MAPKBP1: variants seen among roughly 807,000 people sequenced by gnomAD.
The protein encoded by MAPKBP1 is mitogen-activated protein kinase-binding protein 1.
Under a neutral mutation model 170.5 loss-of-function variants are expected in MAPKBP1, and 71 were observed. The ratio of observed to expected loss-of-function variants is 0.42; its 90% CI spans 0.34 to 0.51. The LOEUF is 0.51. Among genes scored for constraint, MAPKBP1 ranks in the 20% least tolerant of loss-of-function variants. The pLI, the probability that MAPKBP1 is intolerant of heterozygous loss-of-function variation, is 0.06. For missense variants in MAPKBP1, 1,598 were observed against 1,933.0 expected (o/e 0.83, Z 3.25); for synonymous variants, 719 against 757.9 (o/e 0.95, Z 0.84).
At position 41,823,438 on chromosome 15, in the gene MAPKBP1, C is replaced by A. The variant is rs1368453084; in HGVS notation, c.3599-9C>A. On this transcript the variant is annotated splice_polypyrimidine_tract_variant and intron_variant, in intron 28 of 30. Transcript: ENST00000457542. ...ACCTGACCTGTGTATACCTCTGTCT[C>A]CTTTGCAGAAAGACATGAGGCCAGT... 6.2e-7 allele frequency: 1 copy of A among 1,607,036 alleles called. No individual in the cohort carries two copies. The highest frequency in any genetic ancestry group is 1.7e-5 in the Admixed American group (1 of 59,618).
Position 41,813,635 on chromosome 15 carries a change from C to T in MAPKBP1, c.834C>T (p.His278=), listed in dbSNP as rs1403207105. 1 of 1,613,880 alleles carries T rather than the reference C, an allele frequency of 6.2e-7. No homozygotes were observed. Among genetic ancestry groups the T allele is most frequent in the Admixed American group, 1.7e-5 (1 of 59,952 alleles). The change falls in exon 9 of 31, where the codon CAC becomes CAT. Residue 278 remains histidine (H), a synonymous_variant. Transcript: ENST00000457542. ...KWVELRTTVA[H]CISVSQDYIF... Reference sequence around the variant, plus strand: ...TCTGCCCACAGACCACAGTGGCCCACTGCATCTCTGTGAGCCAAGACTACA... The same window carrying T: ...TCTGCCCACAGACCACAGTGGCCCATTGCATCTCTGTGAGCCAAGACTACA...
intron 5 of MAPKBP1, chr15:41,811,459 G>A: frequency 4.3e-6 from 3 of 699,298 alleles, no homozygotes; most frequent in Admixed American, 2.0e-5. Context: ...CAGAGTTTCT[G>A]ATTCTGTAGG....
intron 2 of MAPKBP1, among the ~76,000 whole-genome samples, chr15:41,792,802 G>A (rs1355371961): frequency 6.6e-6 from 1 of 152,126 alleles, no homozygotes; most frequent in Non-Finnish European, 1.5e-5. Flanking sequence ...TAATTTTCTC[G>A]CAGGGCCTCT....
intron 2 of MAPKBP1, among the ~76,000 whole-genome samples, chr15:41,791,167 A>C (rs1325570321): frequency 6.6e-6 from 1 of 152,162 alleles, no homozygotes; most frequent in Non-Finnish European, 1.5e-5. Context: ...TCAGGTATTT[A>C]TAACTTGAAT....
chr15:41,818,568 T>A lies in MAPKBP1; in HGVS notation c.2142T>A (p.Ser714=). The A allele has an allele frequency of 6.2e-7, 1 of 1,613,236 alleles. No homozygotes were observed. Among genetic ancestry groups the A allele is most frequent in the Non-Finnish European group, 8.5e-7 (1 of 1,179,590 alleles). ...KFSNDCKHLI[S]VSGDSCIFVW... The stretch of plus-strand genomic sequence containing the variant: ...GTAATGATTGTAAACATCTCATCTC[T>A]GTGTCTGGGGACAGGTGAGCAGAAG... Residue 714 remains serine, a synonymous_variant, in exon 19 of 31, where the codon TCT becomes TCA. Coordinates refer to ENST00000457542, the MANE Select transcript of MAPKBP1 (RefSeq NM_014994.3). This position sits in a 1 kb window ranked among gnomAD's most constrained non-coding sequence, Gnocchi z 5.2.
intron 3 of MAPKBP1, among the ~76,000 whole-genome samples, 170 bp downstream of exon 3, chr15:41,800,084 T>C (rs147919110): frequency 1.1e-3 from 168 of 152,312 alleles, no homozygotes; most frequent in African/African-American, 3.8e-3. Flanking sequence ...CTTTGTCGGG[T>C]GCTGTCATTG....
rs2065000276 is a variant in MAPKBP1, at chr15:41,821,707, A to G, written c.2842A>G (p.Ile948Val). 6.2e-7 allele frequency: 1 copy of G among 1,614,102 alleles called. No homozygotes were observed. The highest frequency in any genetic ancestry group is 8.5e-7 in the Non-Finnish European group (1 of 1,179,996). ...DLEPAPIEDGIVYPEPSDNPT... is the reference protein window; with the variant it reads ...DLEPAPIEDGVVYPEPSDNPT... ...GGAACCTGCACCCATTGAAGATGGT[A>G]TTGTCTACCCGGAGCCGAGTGACAA... Residue 948 changes from isoleucine to valine, a missense_variant, in exon 24 of 31, where the codon ATT becomes GTT. By Grantham distance (29) the Ile-to-Val change is conservative. This residue lies in a region of MAPKBP1 where 942 missense variants were observed against 953.2 expected (regional missense o/e 0.99). Coordinates refer to ENST00000457542, the MANE Select transcript of MAPKBP1 (RefSeq NM_014994.3).
At chr15:41,809,251 G>A (rs1760143285) in intron 3 of MAPKBP1, among the ~76,000 whole-genome samples, 1 of 151,314 alleles carries the variant, frequency 6.6e-6, no homozygotes, top group African/African-American at 2.4e-5. Context: ...AACAAGGAAA[G>A]AGTAGGAAAT....
rs2064945295 is a variant in MAPKBP1 at position 41,819,271 on chromosome 15, C to T, written c.2317C>T (p.Pro773Ser). 3 of 1,614,182 alleles carry T rather than the reference C, an allele frequency of 1.9e-6. No individual in the cohort carries two copies. Among genetic ancestry groups the T allele is most frequent in the Non-Finnish European group, 2.5e-6 (3 of 1,180,032 alleles). ...NRHQAPSMLS[P>S]GPALSSDSDK... is the part of the protein sequence containing the mutation. ...GCACCAGGCCCCATCAATGCTGTCTCCTGGACCGGCTCTCTCATCAGACAG... is the reference window on the plus strand; with the variant it reads ...GCACCAGGCCCCATCAATGCTGTCTTCTGGACCGGCTCTCTCATCAGACAG... Residue 773 changes from proline to serine, a missense_variant, in exon 21 of 31, where the codon CCT becomes TCT. Around this residue, in one of 6 missense-constraint regions of MAPKBP1, gnomAD observed 942 missense variants for 953.2 expected, o/e 0.99. Coordinates refer to ENST00000457542, the MANE Select transcript of MAPKBP1 (RefSeq NM_014994.3).
rs747526444 is a variant in MAPKBP1, at chr15:41,823,116, A to G, written c.3492A>G (p.Arg1164=). 3 of 1,613,790 alleles carry G rather than the reference A, an allele frequency of 1.9e-6. No homozygotes were observed. The South Asian group carries it at 3.3e-5, about 18-fold the overall frequency. ...PQQAASVLLP[R]CRLNPDSSWA... The stretch of plus-strand genomic sequence containing the variant: ...AGGCAGCCTCTGTGCTGTTGCCACG[A>G]TGCCGTCTCAACCCTGACAGCAGCT... Residue 1164 remains arginine, a synonymous_variant, in exon 28 of 31, where the codon CGA becomes CGG. Coordinates refer to ENST00000457542, the MANE Select transcript of MAPKBP1 (RefSeq NM_014994.3).
chr15:41,821,183 AT>A, intron 23 of MAPKBP1, 115 bp downstream of exon 23: 1 of 986,506 alleles, frequency 1.0e-6, no homozygotes, highest in Non-Finnish European at 1.6e-6. Flanking sequence ...CCTGTGGCAC[AT>A]GGGTAACCTG....
In MAPKBP1 at chr15:41,827,493, C is replaced by G. The variant is rs2065133239; in HGVS notation, c.*2057C>G. On this transcript the variant is annotated 3_prime_UTR_variant, in exon 31 of 31. Coordinates refer to ENST00000457542, the MANE Select transcript of MAPKBP1 (RefSeq NM_014994.3). The stretch of plus-strand genomic sequence containing the variant: ...GACTTCCCACACCAGCCGCGCCCAC[C>G]GCAGGTGGGACTCAGGTTCGCCCTC... 6.6e-6 allele frequency: 1 copy of G among 152,084 alleles called. No individual in the cohort carries two copies. The highest frequency in any genetic ancestry group is 6.5e-5 in the Admixed American group (1 of 15,268). The allele number at this position is 152,084 out of a possible 1,614,324, so 9.4% of individuals were successfully genotyped here. A position where few individuals can be genotyped will look rare whatever the true frequency, so the allele number is the denominator to read the frequency against.
chr15:41,808,838 A>G (rs1397411634), intron 3 of MAPKBP1, among the ~76,000 whole-genome samples: 7 of 152,064 alleles, frequency 4.6e-5, no homozygotes, highest in African/African-American at 1.7e-4. Context: ...GAGACTAGAA[A>G]GTGGTATAAA....
At chr15:41,786,901 A>C (rs1007357402) in intron 2 of MAPKBP1, among the ~76,000 whole-genome samples, 1 of 149,102 alleles carries the variant, frequency 6.7e-6, no homozygotes, top group Non-Finnish European at 1.5e-5. Flanking sequence ...GAGACAATTC[A>C]TTTCCTTTTT....
At chr15:41,796,395 A>C (rs1268636880) in intron 2 of MAPKBP1, among the ~76,000 whole-genome samples, 1 of 152,216 alleles carries the variant, frequency 6.6e-6, no homozygotes, top group Non-Finnish European at 1.5e-5. Flanking sequence ...TATGAAGTCC[A>C]TCATGTTGAA....
chr15:41,783,146 T>C (rs569938050), intron 2 of MAPKBP1, among the ~76,000 whole-genome samples: 8 of 152,280 alleles, frequency 5.3e-5, no homozygotes, highest in African/African-American at 1.7e-4. Context: ...CTTGGTTGTT[T>C]TTGTGTGTGG....
intron 3 of MAPKBP1, among the ~76,000 whole-genome samples, chr15:41,803,252 CA>C (rs908596563): frequency 6.6e-6 from 1 of 151,458 alleles, no homozygotes; most frequent in African/African-American, 2.4e-5. Context: ...TTGTCTCTAG[CA>C]AAATACAAAA....
rs1211071898 is a variant in MAPKBP1 at position 41,824,560 on chromosome 15, C to T, written c.4290C>T (p.Leu1430=). 1.3e-6 allele frequency: 2 copies of T among 1,595,614 alleles called. No homozygotes were observed. The highest frequency in any genetic ancestry group is 8.5e-7 in the Non-Finnish European group (1 of 1,172,866). Residue 1430 remains leucine, a synonymous_variant, in exon 30 of 31, where the codon CTC becomes CTT. Transcript: ENST00000457542. ...LRGSVRQAVR[L]YHSVAGCKMP... is the part of the protein sequence containing the mutation. Reference sequence around the variant, plus strand: ...GCAGCGTGCGCCAGGCAGTGCGGCTCTACCACTCGGTGGGTGTTAGGTGCC... The same window carrying T: ...GCAGCGTGCGCCAGGCAGTGCGGCTTTACCACTCGGTGGGTGTTAGGTGCC...
In MAPKBP1 at chr15:41,799,519, T is replaced by C. The variant is rs542437612; in HGVS notation, c.115-304T>C. On this transcript the variant is annotated intron_variant, in intron 2 of 30. Coordinates refer to ENST00000457542, the MANE Select transcript of MAPKBP1 (RefSeq NM_014994.3). The stretch of plus-strand genomic sequence containing the variant: ...CTCTAGCTTATACATGGTACCTTCC[T>C]GGTTTTGGGGAATGCTTGTTCCTCT... Among the ~76,000 whole-genome samples, 8 of 152,304 alleles carry C rather than the reference T, an allele frequency of 5.3e-5. No individual in the cohort carries two copies. The East Asian group carries it at 1.5e-3, about 29-fold the overall frequency.
Sources: gnomAD v4.1 joint callset for allele counts (sites outside exome capture counted in the v4.1 genomes callset) on GRCh38, gnomAD v4.1.1 for gene constraint, gnomAD v4.1.1 regional missense constraint, Gnocchi (gnomAD v3.1) non-coding constraint, MANE v1.5 for transcripts, NCBI Gene and HGNC (gene_info 2026-07-23, HGNC 2026-07-21) for gene names.